Variants in PCDHA2 observed in about 807,000 individuals in gnomAD.
PCDHA2 encodes the protein protocadherin alpha-2.
PCDHA2 carries 58 observed loss-of-function variants against 66.0 expected under a neutral mutation model. The ratio of observed to expected loss-of-function variants is 0.88; its 90% CI spans 0.71 to 1.09. PCDHA2 has a LOEUF of 1.09. Among genes scored for constraint, PCDHA2 ranks in the 50% least tolerant of loss-of-function variants. The probability of loss-of-function intolerance (pLI) is 0.00; values close to 1 mark genes in which losing one functional copy is unlikely to be tolerated. For synonymous variants in PCDHA2, 634 were observed against 554.0 expected (o/e 1.14, Z -2.03); for missense variants, 1,267 against 1,242.3 (o/e 1.02, Z -0.30).
At position 140,909,620 on chromosome 5, in the gene PCDHA2, A is replaced by G. The variant is rs576090849; in HGVS notation, c.2389-69329A>G. On this transcript the variant is annotated intron_variant, in intron 1 of 3. Transcript: ENST00000526136. Reference sequence around the variant, plus strand: ...ATTTTTCTAGGTAGAGGCAGCTCTAATTGGTCTTCCTATTTTGTCTTTTCC... The same window carrying G: ...ATTTTTCTAGGTAGAGGCAGCTCTAGTTGGTCTTCCTATTTTGTCTTTTCC... Among the ~76,000 whole-genome samples the G allele has an allele frequency of 3.8e-4, 58 of 152,240 alleles. 2 individuals carry two copies. The Middle Eastern group carries it at 0.01, about 27-fold the overall frequency.
chr5:140,847,580 C>T (rs1350641732), intron 1 of PCDHA2: 1 of 149,008 alleles, frequency 6.7e-6, no homozygotes, highest in African/African-American at 2.5e-5. Flanking sequence ...TAAGGATGAG[C>T]AATAATGAAA....
chr5:140,843,170 A>T (rs2150354279), intron 1 of PCDHA2: 2 of 1,596,072 alleles, frequency 1.3e-6, no homozygotes. Context: ...AGCTGCAAGC[A>T]GCCCTCGCAT....
intron 1 of PCDHA2, among the ~76,000 whole-genome samples, chr5:140,898,172 G>A (rs1262400829): frequency 2.6e-5 from 4 of 152,162 alleles, no homozygotes; most frequent in African/African-American, 9.7e-5. Context: ...TTCTTTTGCT[G>A]TGCAGAAGCT....
chr5:140,895,617 G>A (rs782388218), intron 1 of PCDHA2, among the ~76,000 whole-genome samples: 2 of 152,084 alleles, frequency 1.3e-5, no homozygotes, highest in Non-Finnish European at 2.9e-5. Context: ...CTCATTGAGG[G>A]TGTTGTCTTT....
intron 3 of PCDHA2, among the ~76,000 whole-genome samples, chr5:141,000,391 CTCTCTATATA>C (rs1171335262): frequency 2.9e-3 from 162 of 56,578 alleles, no homozygotes; most frequent in African/African-American, 4.6e-3. Flanking sequence ...CTCTCTCTCT[CTCTCTATATA>C]TATATATATA....
chr5:140,805,345 TA>T, intron 1 of PCDHA2: 1 of 1,219,244 alleles, frequency 8.2e-7, no homozygotes, highest in Non-Finnish European at 1.0e-6. Context: ...GATCATTTTG[TA>T]AAAATATAGT....
chr5:140,823,640 G>A lies in PCDHA2; in HGVS notation c.2388+26288G>A, dbSNP rs1326482790. ...CCTGGCAGTGCGCGCATCCCGTTCC[G>A]CGTGGGGCTGTACACAGGCGAGATC... On this transcript the variant is annotated intron_variant, in intron 1 of 3. Coordinates refer to ENST00000526136, the MANE Select transcript of PCDHA2 (RefSeq NM_018905.3). 20 of 1,613,876 alleles carry A rather than the reference G, an allele frequency of 1.2e-5. No individual in the cohort carries two copies. The highest frequency in any genetic ancestry group is 1.7e-5 in the Non-Finnish European group (20 of 1,179,952).
At chr5:140,995,235 A>G (rs1313042272) in intron 3 of PCDHA2, among the ~76,000 whole-genome samples, 1 of 152,188 alleles carries the variant, frequency 6.6e-6, no homozygotes, top group Non-Finnish European at 1.5e-5. Flanking sequence ...TGGGGCCAGT[A>G]TTAAGTAAAA....
intron 1 of PCDHA2, chr5:140,878,023 T>C (rs1162658024): frequency 2.6e-6 from 2 of 762,594 alleles, no homozygotes; most frequent in Non-Finnish European, 3.8e-6. Context: ...GAAGGAAATA[T>C]GTAGGTACAA....
intron 1 of PCDHA2, among the ~76,000 whole-genome samples, chr5:140,878,596 G>A (rs1352519824): frequency 6.6e-6 from 1 of 152,144 alleles, no homozygotes; most frequent in South Asian, 2.1e-4. Context: ...CTATTACCAA[G>A]TGAATCTTCT....
At chr5:140,907,179 G>A (rs1257591299) in intron 1 of PCDHA2, among the ~76,000 whole-genome samples, 2 of 152,160 alleles carry the variant, frequency 1.3e-5, no homozygotes, top group Non-Finnish European at 2.9e-5. Flanking sequence ...CTGATTCAGA[G>A]CATACACAAC....
chr5:140,832,831 C>T (rs2150204521), intron 1 of PCDHA2, among the ~76,000 whole-genome samples: 27 of 152,028 alleles, frequency 1.8e-4, no homozygotes, highest in Non-Finnish European at 3.5e-4. Context: ...TGCCTTTTTC[C>T]CTTGTTGAAG....
intron 1 of PCDHA2, among the ~76,000 whole-genome samples, chr5:140,922,406 G>C (rs1411149387): frequency 9.8e-5 from 15 of 152,288 alleles, no homozygotes; most frequent in African/African-American, 3.6e-4. Flanking sequence ...GGATTAAAAA[G>C]ATCTAGGTAC....
At chr5:140,828,819 A>C (rs140245330) in intron 1 of PCDHA2, 1 of 1,614,224 alleles carries the variant, frequency 6.2e-7, no homozygotes, top group Non-Finnish European at 8.5e-7. Context: ...CCCACTTTCG[A>C]ACAGTCTGAA....
intron 1 of PCDHA2, chr5:140,864,877 T>C (rs1475391841): frequency 6.6e-6 from 1 of 152,220 alleles, no homozygotes; most frequent in Non-Finnish European, 1.5e-5. Flanking sequence ...CCATTGTCTG[T>C]GTTCATTAAG....
chr5:140,795,920 AG>A lies in PCDHA2; in HGVS notation c.958del (p.Val320SerfsTer19). On this transcript the variant is annotated frameshift_variant, in exon 1 of 4. Transcript: ENST00000526136. LOFTEE classifies it high-confidence loss of function. ...GAAGAAGCAAAGTCCTACGAGATTC[AG>A]GTCACTGCAACTGACAAAGGAACCC... ...DYEEAKSYEIQVTATDKGTPS... is the reference protein window; with the variant it reads ...DYEEAKSYEIXVTATDKGTPS... 6.2e-7 allele frequency: 1 copy of A among 1,613,890 alleles called. No homozygotes were observed. The highest frequency in any genetic ancestry group is 8.5e-7 in the Non-Finnish European group (1 of 1,179,802).
intron 3 of PCDHA2, among the ~76,000 whole-genome samples, chr5:141,002,971 T>C (rs138459473): frequency 6.6e-6 from 1 of 152,274 alleles, no homozygotes; most frequent in African/African-American, 2.4e-5. Flanking sequence ...TTCCTGAAAA[T>C]AGTATCCTTG....
chr5:140,959,763 C>A (rs2095510059), intron 1 of PCDHA2, among the ~76,000 whole-genome samples: 2 of 152,170 alleles, frequency 1.3e-5, no homozygotes, highest in South Asian at 4.1e-4. Flanking sequence ...TTTTAATATT[C>A]AGTAAGAACA....
At chr5:140,987,668 G>C (rs1262402590) in intron 3 of PCDHA2, among the ~76,000 whole-genome samples, 1 of 152,082 alleles carries the variant, frequency 6.6e-6, no homozygotes, top group Non-Finnish European at 1.5e-5. Context: ...GAACAATCAG[G>C]GTTTAGTAAA....
Sources: gnomAD v4.1 joint callset for allele counts (sites outside exome capture counted in the v4.1 genomes callset) on GRCh38, gnomAD v4.1.1 for gene constraint, MANE v1.5 for transcripts, NCBI Gene and HGNC (gene_info 2026-07-23, HGNC 2026-07-21) for gene names.